The following POLQ variants were observed in gnomAD, a reference collection of about 807,000 sequenced individuals.
POLQ encodes the protein epididymis secretory sperm binding protein.
POLQ carries 233 observed loss-of-function variants against 259.2 expected under a neutral mutation model. The observed-to-expected ratio is 0.90, with a 90% confidence interval of 0.81 to 1.00. The LOEUF (loss-of-function observed/expected upper bound fraction) is 1.00. Ranked by LOEUF, POLQ falls within the 50% of genes least tolerant of loss-of-function variation. The pLI, the probability that POLQ is intolerant of heterozygous loss-of-function variation, is 0.00. For missense variants in POLQ, 2,871 were observed against 3,051.6 expected (o/e 0.94, Z 1.39); for synonymous variants, 1,025 against 1,048.8 (o/e 0.98, Z 0.44).
chr3:121,487,377 T>C lies in POLQ; in HGVS notation c.5554A>G (p.Ile1852Val). 2 of 1,614,072 alleles carry C rather than the reference T, an allele frequency of 1.2e-6. No homozygotes were observed. The highest frequency in any genetic ancestry group is 1.7e-6 in the Non-Finnish European group (2 of 1,179,974). ...CTAATCTTTTCACAAGCCAGTGAGA[T>C]GGAAAATCGCTTTTTGCACCGCCAC... is the stretch of plus-strand genomic sequence containing the variant. ...KEWRCKKRFS[I>V]SLACEKIRSL... Residue 1852 changes from isoleucine to valine, a missense_variant, in exon 16 of 30, where the codon ATC becomes GTC. Coordinates refer to ENST00000264233, the MANE Select transcript of POLQ (RefSeq NM_199420.4).
chr3:121,479,797 G>GT (rs568108858), intron 19 of POLQ, among the ~76,000 whole-genome samples: 2 of 152,094 alleles, frequency 1.3e-5, no homozygotes, highest in South Asian at 4.1e-4. Flanking sequence ...AATTTGAGAA[G>GT]TAATGGTTTT....
rs562675277 is a variant in POLQ, at chr3:121,445,817, C to T, written c.7264+3498G>A. ...GGCAGATGTTGCAGTGAGCCAAGAT[C>T]ACGCCACTGCCCACCAGCCTGGGTG... On this transcript the variant is annotated intron_variant, in intron 26 of 29. Coordinates refer to ENST00000264233, the MANE Select transcript of POLQ (RefSeq NM_199420.4). Among the ~76,000 whole-genome samples, 31 of 151,712 alleles carry T rather than the reference C, an allele frequency of 2.0e-4. No individual in the cohort carries two copies. In the South Asian group the frequency reaches 5.8e-3, roughly 29 times the overall value.
intron 26 of POLQ, among the ~76,000 whole-genome samples, chr3:121,441,799 A>T (rs1212986891): frequency 1.3e-5 from 2 of 152,236 alleles, no homozygotes; most frequent in African/African-American, 4.8e-5. Flanking sequence ...AACTTTACAC[A>T]AAAAAGCCAT....
At chr3:121,530,554 A>G (rs2048403987) in intron 6 of POLQ, among the ~76,000 whole-genome samples, 1 of 152,160 alleles carries the variant, frequency 6.6e-6, no homozygotes, top group Admixed American at 6.5e-5. Flanking sequence ...CTCATATTTG[A>G]CAGAAAGATC....
At position 121,489,086 on chromosome 3, in the gene POLQ, T is replaced by C. The variant is rs1344659755; in HGVS notation, c.3845A>G (p.His1282Arg). The change falls in exon 16 of 30, where the codon CAT (histidine) becomes CGT (arginine). Residue 1282 changes from histidine to arginine, a missense_variant. His to Arg is a conservative substitution (Grantham distance 29). Transcript: ENST00000264233. ...AGAFSKSEGQ[H>R]ENFLNISRLQ... ...TCTAGAAATATTTAGAAAATTCTCA[T>C]GCTGGCCTTCTGATTTGCTAAATGC... The C allele has an allele frequency of 6.2e-7, 1 of 1,613,482 alleles. No homozygotes were observed. Among genetic ancestry groups the C allele is most frequent in the Non-Finnish European group, 8.5e-7 (1 of 1,179,532 alleles).
In POLQ at chr3:121,489,683, G is replaced by A. The variant is rs768722534; in HGVS notation, c.3248C>T (p.Thr1083Ile). 1 of 1,613,760 alleles carries A rather than the reference G, an allele frequency of 6.2e-7. No homozygotes were observed. Among genetic ancestry groups the A allele is most frequent in the Non-Finnish European group, 8.5e-7 (1 of 1,179,906 alleles). ...SNPSLCEDPF[T>I]LDEKKTEFRN... ...AAATTCCGTTTTCTTCTCATCTAAGGTAAACGGGTCTTCACAAAGACTAGG... is the reference window on the plus strand; with the variant it reads ...AAATTCCGTTTTCTTCTCATCTAAGATAAACGGGTCTTCACAAAGACTAGG... The change falls in exon 16 of 30, where the codon ACC (threonine) becomes ATC (isoleucine). Residue 1083 changes from threonine to isoleucine, a missense_variant. By Grantham distance (89) the Thr-to-Ile change is moderately conservative (BLOSUM62 -1). Transcript: ENST00000264233.
chr3:121,485,065 G>T lies in POLQ; in HGVS notation c.5749C>A (p.Leu1917Met). The T allele has an allele frequency of 6.2e-7, 1 of 1,612,386 alleles. No individual in the cohort carries two copies. Among genetic ancestry groups the T allele is most frequent in the East Asian group, 2.2e-5 (1 of 44,800 alleles). Residue 1917 changes from leucine (L) to methionine (M), a missense_variant, in exon 17 of 30, where the codon CTG (leucine) becomes ATG (methionine). Physicochemically the swap from Leu to Met is conservative, Grantham distance 15. Transcript: ENST00000264233. ...WGGRDAYYFS[L>M]QKEQKHSEIS... ...CCAGAATGCTTTTGTTCCTTCTGCAGTGAAAAATAATAGGCATCCCTTCCA... is the reference window on the plus strand; with the variant it reads ...CCAGAATGCTTTTGTTCCTTCTGCATTGAAAAATAATAGGCATCCCTTCCA...
chr3:121,498,735 C>T (rs1158252708), intron 12 of POLQ, 65 bp from the exon 13 acceptor site: 1 of 1,117,484 alleles, frequency 8.9e-7, no homozygotes, highest in Non-Finnish European at 1.3e-6. Flanking sequence ...TTATATACAA[C>T]CTTCATATTA....
intron 4 of POLQ, 150 bp from the exon 5 acceptor site, chr3:121,537,358 T>C (rs1346172072): frequency 1.6e-6 from 1 of 620,800 alleles, no homozygotes; most frequent in Non-Finnish European, 2.9e-6. Context: ...TACCTGGGTA[T>C]ATTGTGTAAT....
In POLQ at chr3:121,489,800, C is replaced by T. The variant is rs931174372; in HGVS notation, c.3131G>A (p.Arg1044His). ...KMSRSFRSWKRRKHLKRSRDS... is the reference protein window; with the variant it reads ...KMSRSFRSWKHRKHLKRSRDS... ...CCTAGATCGCTTTAGATGCTTTCTA[C>T]GTTTCCAAGATCGAAAACTTCTGCT... The change falls in exon 16 of 30, where the codon CGT (arginine) becomes CAT (histidine). Residue 1044 changes from arginine to histidine, a missense_variant. Around this residue, in one of 3 missense-constraint regions of POLQ, gnomAD observed 2,080 missense variants for 2,126.0 expected, o/e 0.98. Transcript: ENST00000264233. 1.1e-5 allele frequency: 17 copies of T among 1,612,706 alleles called. No individual in the cohort carries two copies. The highest frequency in any genetic ancestry group is 3.3e-5 in the Admixed American group (2 of 59,816).
intron 24 of POLQ, among the ~76,000 whole-genome samples, chr3:121,463,008 A>G (rs1037495139): frequency 1.3e-5 from 2 of 152,222 alleles, no homozygotes; most frequent in Non-Finnish European, 2.9e-5. Context: ...TTTAGTGTTC[A>G]TTGTGGCTTT....
In POLQ at chr3:121,488,393, A is replaced by G. The variant is rs750805614; in HGVS notation, c.4538T>C (p.Leu1513Pro). ...ATGGTTTGATGTTACTTCTGAAGGA[A>G]GGGGTTCTTTCATTTGCATATCAGG... ...QLPDMQMKEP[L>P]PSEVTSNHFS... The change falls in exon 16 of 30, where the codon CTT becomes CCT. Residue 1513 changes from leucine (L) to proline (P), a missense_variant. Coordinates refer to ENST00000264233, the MANE Select transcript of POLQ (RefSeq NM_199420.4). The G allele has an allele frequency of 1.2e-6, 2 of 1,612,910 alleles. No homozygotes were observed. The highest frequency in any genetic ancestry group is 2.2e-5 in the South Asian group (2 of 90,974).
chr3:121,481,478 T>A, intron 19 of POLQ, 94 bp downstream of exon 19: 2 of 1,129,292 alleles, frequency 1.8e-6, no homozygotes, highest in Non-Finnish European at 2.5e-6. Flanking sequence ...AGGTAGGATT[T>A]GCATAAATGT....
intron 5 of POLQ, among the ~76,000 whole-genome samples, chr3:121,534,121 C>T (rs1371310096): frequency 6.6e-6 from 1 of 152,070 alleles, no homozygotes; most frequent in African/African-American, 2.4e-5. Context: ...CGTGATCCAC[C>T]CACCTCAGCC....
intron 5 of POLQ, among the ~76,000 whole-genome samples, chr3:121,533,729 T>C (rs2048428643): frequency 1.3e-5 from 2 of 152,082 alleles, no homozygotes; most frequent in South Asian, 4.1e-4. Context: ...TTGGCCAGGC[T>C]GGTCTCGAAC....
chr3:121,436,091 GTTA>G, intron 28 of POLQ, 28 bp downstream of exon 28: 1 of 1,535,978 alleles, frequency 6.5e-7, no homozygotes. Flanking sequence ...TTCTCATCAT[GTTA>G]CAGCACAGGC....
chr3:121,495,408 C>A (rs1180907081), intron 14 of POLQ, among the ~76,000 whole-genome samples: 1 of 152,186 alleles, frequency 6.6e-6, no homozygotes, highest in Admixed American at 6.5e-5. Flanking sequence ...AGCTCAATAG[C>A]TGCACTGTCT....
intron 25 of POLQ, among the ~76,000 whole-genome samples, chr3:121,456,541 G>T (rs1220566333): frequency 5.9e-5 from 9 of 152,118 alleles, no homozygotes; most frequent in Non-Finnish European, 1.3e-4. Context: ...AAAGTCTCAG[G>T]ATACAAAATC....
rs1469065088 is a variant in POLQ at position 121,502,853 on chromosome 3, GTTAT to G, written c.1960-4187_1960-4184del. Among the ~76,000 whole-genome samples, 5 of 151,738 alleles carry G rather than the reference GTTAT, an allele frequency of 3.3e-5. No individual in the cohort carries two copies. The East Asian group carries it at 9.6e-4, about 29-fold the overall frequency. ...GCACAAAAAAAGGAATCAAAATAGA[GTTAT>G]TTAAGAATACTTCTTTATTTCACTG... On this transcript the variant is annotated intron_variant, in intron 12 of 29. Transcript: ENST00000264233.
Sources: gnomAD v4.1 joint callset for allele counts (sites outside exome capture counted in the v4.1 genomes callset) on GRCh38, gnomAD v4.1.1 for gene constraint, gnomAD v4.1.1 regional missense constraint, MANE v1.5 for transcripts, NCBI Gene and HGNC (gene_info 2026-07-23, HGNC 2026-07-21) for gene names.